VRK3: variants seen among roughly 807,000 people sequenced by gnomAD.
VRK3 encodes the protein serine/threonine-protein kinase VRK3.
A neutral mutation model predicts 60.4 loss-of-function variants in VRK3; 50 were observed. That is an observed-to-expected ratio of 0.83 (90% CI 0.66 to 1.05). The LOEUF (loss-of-function observed/expected upper bound fraction) is 1.05, where lower values mean the gene tolerates loss of function less well. Among genes scored for constraint, VRK3 ranks in the 50% least tolerant of loss-of-function variants. The pLI, the probability that VRK3 is intolerant of heterozygous loss-of-function variation, is 0.00. For synonymous variants in VRK3, 246 were observed against 227.8 expected (o/e 1.08, Z -0.72); for missense variants, 549 against 585.3 (o/e 0.94, Z 0.64).
chr19:49,984,679 C>A (rs1207047250), intron 12 of VRK3, among the ~76,000 whole-genome samples: 1 of 152,156 alleles, frequency 6.6e-6, no homozygotes, highest in Non-Finnish European at 1.5e-5. Flanking sequence ...GTTGCCCAGG[C>A]TGGAGTGCAG....
At position 49,988,440 on chromosome 19, in the gene VRK3, C is replaced by A; in HGVS notation, c.1149G>T (p.Trp383Cys). 6.2e-7 allele frequency: 1 copy of A among 1,613,704 alleles called. No individual in the cohort carries two copies. The highest frequency in any genetic ancestry group is 1.6e-4 in the Middle Eastern group (1 of 6,062). ...TTGTCCATGGCAGAAACCCGTAGAG[C>A]CACTTCAGCATGCAGTAGCCCAGGC... ...LQSLGYCMLK[W>C]LYGFLPWTNC... Residue 383 changes from tryptophan (W) to cysteine (C), a missense_variant, in exon 12 of 15, where the codon TGG becomes TGT. Physicochemically the swap from Trp to Cys is radical, Grantham distance 215. Transcript: ENST00000316763.
At chr19:50,006,686 A>G (rs2076897667) in intron 5 of VRK3, among the ~76,000 whole-genome samples, 1 of 152,216 alleles carries the variant, frequency 6.6e-6, no homozygotes, top group Admixed American at 6.5e-5. Flanking sequence ...ATAAAAGAAT[A>G]ACTTTTATGT....
At chr19:49,982,331 G>T in intron 12 of VRK3, 1 of 649,828 alleles carries the variant, frequency 1.5e-6, no homozygotes, top group South Asian at 1.7e-5. Context: ...CTAGGTGGCT[G>T]TTTGATTTTT....
chr19:49,983,433 G>C (rs1054153177), intron 12 of VRK3, among the ~76,000 whole-genome samples: 1 of 152,202 alleles, frequency 6.6e-6, no homozygotes, highest in African/African-American at 2.4e-5. Flanking sequence ...CCTGTGCGTA[G>C]GTCCACAGAT....
At chr19:49,999,662 GGACTGGGACATGACATGGCTCCCGCCA>G (rs1433287144) in intron 6 of VRK3, 4 of 152,230 alleles carry the variant, frequency 2.6e-5, no homozygotes, top group Admixed American at 6.5e-5. Flanking sequence ...CTTCCCGATG[GGACTGGGACATGACATGGCTCCCGCCA>G]GACTGGGAGC....
At position 50,007,916 on chromosome 19, in the gene VRK3, T is replaced by C. The variant is rs149254264; in HGVS notation, c.290-90A>G. 5 of 1,549,552 alleles carry C rather than the reference T, an allele frequency of 3.2e-6. No homozygotes were observed. In the African/African-American group the frequency reaches 6.9e-5, roughly 21 times the overall value. ...AAACAGCACGCAAAATACTGTTCCT[T>C]TACAAATTCGTTCATTCAACAAACA... is the stretch of plus-strand genomic sequence containing the variant. On this transcript the variant is annotated intron_variant, in intron 4 of 14. Coordinates refer to ENST00000316763, the MANE Select transcript of VRK3 (RefSeq NM_016440.4).
chr19:50,010,563 C>T (rs181680193), intron 3 of VRK3, among the ~76,000 whole-genome samples: 239 of 152,354 alleles, frequency 1.6e-3, no homozygotes, highest in Non-Finnish European at 2.8e-3. Flanking sequence ...GGGGACCACA[C>T]AGATCAGTGT....
At chr19:50,010,904 CTG>C (rs2076984431) in intron 3 of VRK3, among the ~76,000 whole-genome samples, 1 of 152,080 alleles carries the variant, frequency 6.6e-6, no homozygotes, top group Admixed American at 6.6e-5. Context: ...CAGAGTGAGA[CTG>C]TGTCTCAAAA....
intron 12 of VRK3, among the ~76,000 whole-genome samples, chr19:49,985,121 C>T (rs994024081): frequency 6.6e-6 from 1 of 152,192 alleles, no homozygotes; most frequent in African/African-American, 2.4e-5. Context: ...TCAGTCTTGT[C>T]CTGAACTAAC....
At chr19:50,002,999 G>A (rs939269055) in intron 5 of VRK3, among the ~76,000 whole-genome samples, 1 of 152,140 alleles carries the variant, frequency 6.6e-6, no homozygotes, top group Admixed American at 6.5e-5. Flanking sequence ...CCGTTTTCCC[G>A]GCATCACTCT....
chr19:50,010,048 T>TTTTATATA (rs1444760792), intron 3 of VRK3, among the ~76,000 whole-genome samples: 1 of 148,344 alleles, frequency 6.7e-6, no homozygotes, highest in African/African-American at 2.5e-5. Flanking sequence ...AATAATTATT[T>TTTTATATA]TATATATATA....
chr19:49,977,233 G>A lies in VRK3; in HGVS notation c.*12-449C>T, dbSNP rs146876988. ...GGGGCGGGGGTGTGGCTGGTGCATC[G>A]TGCACGGGGGAGGAAGGGAGCTCGG... On this transcript the variant is annotated intron_variant, in intron 14 of 14. Coordinates refer to ENST00000316763, the MANE Select transcript of VRK3 (RefSeq NM_016440.4). Among the ~76,000 whole-genome samples the A allele has an allele frequency of 1.9e-3, 290 of 152,134 alleles. 1 individual carries two copies. The highest frequency in any genetic ancestry group is 3.4e-3 in the Non-Finnish European group (229 of 67,980).
chr19:49,997,358 G>A (rs939466835), intron 7 of VRK3, 146 bp downstream of exon 7: 1 of 780,834 alleles, frequency 1.3e-6, no homozygotes, highest in Non-Finnish European at 2.0e-6. Context: ...GGGGTCACAG[G>A]AGTCAGGTTA....
rs949674723 is a variant in VRK3, at chr19:49,981,962, A to T, written c.1218-949T>A. The T allele has an allele frequency of 1.1e-4, 69 of 648,564 alleles. No homozygotes were observed. In the African/African-American group the frequency reaches 1.1e-3, roughly 10 times the overall value. The allele number at this position is 648,564 out of a possible 1,614,324, so 40.2% of individuals were successfully genotyped here. A position where few individuals can be genotyped will look rare whatever the true frequency, so the allele number is the denominator to read the frequency against. On this transcript the variant is annotated intron_variant, in intron 12 of 14. Transcript: ENST00000316763. ...GAGAGGGGGTCACTGTGGCATCCGC[A>T]CAGTTCAGTGGAATGTGGGGGCCAG...
At chr19:50,021,134 T>C (rs1432204752) in intron 1 of VRK3, among the ~76,000 whole-genome samples, 3 of 152,220 alleles carry the variant, frequency 2.0e-5, no homozygotes, top group Non-Finnish European at 4.4e-5. Context: ...TGCATTATCC[T>C]GTTTAGTCTA....
At chr19:49,991,774 G>A (rs745695523) in intron 10 of VRK3, among the ~76,000 whole-genome samples, 1 of 152,194 alleles carries the variant, frequency 6.6e-6, no homozygotes, top group South Asian at 2.1e-4. Flanking sequence ...CCAGAGATGG[G>A]AGAGCCGGCT....
At position 49,981,313 on chromosome 19, in the gene VRK3, G is replaced by A. The variant is rs891264644; in HGVS notation, c.1218-300C>T. The A allele has an allele frequency of 2.9e-5, 10 of 348,208 alleles. No individual in the cohort carries two copies. The Middle Eastern group carries it at 3.6e-3, about 125-fold the overall frequency. 21.6% of individuals were successfully genotyped at this position (348,208 alleles called of 1,614,324 possible). A position where few individuals can be genotyped will look rare whatever the true frequency, so the allele number is the denominator to read the frequency against. ...TGTAATCCCAACACTTTGGGAGGCC[G>A]AGGGGGGTGGATCACGAGGTCAGGA... On this transcript the variant is annotated intron_variant, in intron 12 of 14. Transcript: ENST00000316763.
Position 49,994,824 on chromosome 19 carries a change from G to A in VRK3, c.860C>T (p.Ala287Val). 1 of 1,613,416 alleles carries A rather than the reference G, an allele frequency of 6.2e-7. No individual in the cohort carries two copies. Among genetic ancestry groups the A allele is most frequent in the Non-Finnish European group, 8.5e-7 (1 of 1,179,598 alleles). The part of the protein sequence containing the change: ...VLSERSVLQV[A>V]CRLLDALEFL... ...CTTCTGGGTACGCACCAGCCGGCAG[G>A]CCACCTGCAGCACAGACCTCTCTGA... The change falls in exon 9 of 15, where the codon GCC becomes GTC. Residue 287 changes from alanine to valine, a missense_variant. By Grantham distance (64) the Ala-to-Val change is moderately conservative (BLOSUM62 0). Transcript: ENST00000316763.
At chr19:49,990,886 G>A (rs2076599327) in intron 10 of VRK3, among the ~76,000 whole-genome samples, 1 of 152,050 alleles carries the variant, frequency 6.6e-6, no homozygotes, top group Non-Finnish European at 1.5e-5. Context: ...CTGGGCTCAG[G>A]TGATCCTTCT....
Sources: gnomAD v4.1 joint callset for allele counts (sites outside exome capture counted in the v4.1 genomes callset) on GRCh38, gnomAD v4.1.1 for gene constraint, MANE v1.5 for transcripts, NCBI Gene and HGNC (gene_info 2026-07-23, HGNC 2026-07-21) for gene names.